TIAM2: variants seen among roughly 807,000 people sequenced by gnomAD.
The protein encoded by TIAM2 is TIAM Rac1 associated GEF 2, also known as rho guanine nucleotide exchange factor TIAM2.
In TIAM2, 80 loss-of-function variants were observed where a neutral mutation model predicts 152.9. That is an observed-to-expected ratio of 0.52 (90% confidence interval 0.44 to 0.63). The LOEUF (loss-of-function observed/expected upper bound fraction) is 0.63. TIAM2 is among the 30% of genes least tolerant of loss of function. TIAM2 has a pLI of 0.00. For synonymous variants in TIAM2, 804 were observed against 838.0 expected, an observed-to-expected ratio of 0.96 and a Z score of 0.70; for missense variants, 1,965 against 2,120.1, an observed-to-expected ratio of 0.93 and a Z score of 1.44.
chr6:155,246,084 C>G (rs2115330924), intron 19 of TIAM2, among the ~76,000 whole-genome samples: 1 of 149,366 alleles, frequency 6.7e-6, no homozygotes, highest in African/African-American at 2.5e-5. Context: ...TTTTTTTTTC[C>G]TTGTTAATCT....
At chr6:155,127,251 C>T (rs1412346027) in intron 2 of TIAM2, among the ~76,000 whole-genome samples, 2 of 152,144 alleles carry the variant, frequency 1.3e-5, no homozygotes, top group Non-Finnish European at 2.9e-5. Context: ...GAAACAAAGG[C>T]ATGCATTTGA....
In TIAM2 at chr6:155,070,209, C is replaced by CTTTTTTTTTTTTTT. The variant is rs559307371; in HGVS notation, c.-208-20064_-208-20051dup. On this transcript the variant is annotated intron_variant, in intron 1 of 26. Transcript: ENST00000682666. The stretch of plus-strand genomic sequence containing the variant: ...GTATGAGCCACCGCGCCTGGCCAGA[C>CTTTTTTTTTTTTTT]TTTTTTTTTTTTTTTTTTTTTTTTT... Among the ~76,000 whole-genome samples the CTTTTTTTTTTTTTT allele has an allele frequency of 6.8e-5, 3 of 44,146 alleles. 1 individual carries two copies. Among genetic ancestry groups the CTTTTTTTTTTTTTT allele is most frequent in the African/African-American group, 2.4e-4 (2 of 8,322 alleles). 29.0% of individuals were successfully genotyped at this position (44,146 alleles called of 152,430 possible). A position where few individuals can be genotyped will look rare whatever the true frequency, so the allele number is the denominator to read the frequency against.
intron 7 of TIAM2, among the ~76,000 whole-genome samples, chr6:155,157,551 C>T (rs566947691): frequency 1.3e-5 from 2 of 151,978 alleles, no homozygotes; most frequent in Non-Finnish European, 2.9e-5. Context: ...AAGCGATCCT[C>T]CTGTCTCGGC....
At chr6:155,091,821 C>T (rs1173700928) in intron 2 of TIAM2, among the ~76,000 whole-genome samples, 1 of 152,196 alleles carries the variant, frequency 6.6e-6, no homozygotes, top group Non-Finnish European at 1.5e-5. Flanking sequence ...CTAAGGTCTA[C>T]AGTTATTTAG....
At chr6:155,229,833 G>A (rs184042992) in intron 15 of TIAM2, among the ~76,000 whole-genome samples, 2 of 152,302 alleles carry the variant, frequency 1.3e-5, no homozygotes, top group Non-Finnish European at 2.9e-5. Context: ...GGTGAAGGAG[G>A]AGCAAAGTCA....
intron 15 of TIAM2, 129 bp downstream of exon 15, chr6:155,211,436 A>G (rs936689619): frequency 4.7e-6 from 3 of 639,742 alleles, no homozygotes; most frequent in African/African-American, 3.7e-5. Context: ...AAACATACAT[A>G]TATATGTTAA....
At chr6:155,033,650 T>C (rs1776863881) in intron 1 of TIAM2, among the ~76,000 whole-genome samples, 1 of 152,090 alleles carries the variant, frequency 6.6e-6, no homozygotes, top group South Asian at 2.1e-4. Flanking sequence ...GCCCTGCCTG[T>C]TTCCTAGAAG....
chr6:155,153,267 C>T (rs1258348752), intron 7 of TIAM2, among the ~76,000 whole-genome samples: 1 of 152,054 alleles, frequency 6.6e-6, no homozygotes, highest in Non-Finnish European at 1.5e-5. Context: ...CTCCCTTTCT[C>T]ATGTTAGTCT....
At chr6:155,014,034 T>C (rs1187271272) in intron 1 of TIAM2, 1 of 152,078 alleles carries the variant, frequency 6.6e-6, no homozygotes, top group African/African-American at 2.4e-5. Flanking sequence ...GTATTTTTAG[T>C]AGAGATCTTC....
intron 1 of TIAM2, among the ~76,000 whole-genome samples, chr6:155,049,478 C>T (rs1342084719): frequency 1.3e-5 from 2 of 152,136 alleles, no homozygotes; most frequent in Admixed American, 1.3e-4. Context: ...CAAGCTTGCT[C>T]ATTAGCAATG....
intron 1 of TIAM2, among the ~76,000 whole-genome samples, chr6:155,079,186 C>T (rs973572596): frequency 1.3e-5 from 2 of 151,974 alleles, no homozygotes; most frequent in Non-Finnish European, 2.9e-5. Context: ...GTCAGCCTCC[C>T]GAGTAGCAGG....
chr6:155,126,629 G>C (rs1023753651), intron 2 of TIAM2, among the ~76,000 whole-genome samples: 3 of 152,134 alleles, frequency 2.0e-5, no homozygotes, highest in African/African-American at 7.2e-5. Flanking sequence ...TACTCAGGAG[G>C]CTGAGGTAGG....
intron 14 of TIAM2, among the ~76,000 whole-genome samples, chr6:155,185,482 T>C (rs1391847321): frequency 6.7e-6 from 1 of 149,398 alleles, no homozygotes; most frequent in East Asian, 2.0e-4. Context: ...GCAGGTGAGT[T>C]AAGCCACTTT....
At position 155,245,637 on chromosome 6, in the gene TIAM2, C is replaced by T. The variant is rs1173272368; in HGVS notation, c.3558C>T (p.Ser1186=). ...TPSQFRKLLF[S]LGGSFLYYAD... is the part of the protein sequence containing the mutation. Reference sequence around the variant, plus strand: ...TGCCCTTCTAGAAATTACTGTTTTCCCTTGGAGGCTCTTTCCTTTATTACG... The same window carrying T: ...TGCCCTTCTAGAAATTACTGTTTTCTCTTGGAGGCTCTTTCCTTTATTACG... The change falls in exon 19 of 27, where the codon TCC becomes TCT. Residue 1186 remains serine (S), a synonymous_variant. Transcript: ENST00000682666. 1.2e-5 allele frequency: 20 copies of T among 1,613,760 alleles called. No homozygotes were observed. Among genetic ancestry groups the T allele is most frequent in the Admixed American group, 1.7e-5 (1 of 59,992 alleles).
chr6:155,093,037 C>T (rs1778338408), intron 2 of TIAM2, among the ~76,000 whole-genome samples: 1 of 152,100 alleles, frequency 6.6e-6, no homozygotes, highest in South Asian at 2.1e-4. Flanking sequence ...GTAACAGTGA[C>T]AATAAAACTG....
At chr6:155,194,726 C>T (rs541370381) in intron 14 of TIAM2, among the ~76,000 whole-genome samples, 4 of 152,142 alleles carry the variant, frequency 2.6e-5, no homozygotes, top group African/African-American at 9.7e-5. Context: ...AAGAAGAAAA[C>T]CCCAGGTCTT....
intron 1 of TIAM2, among the ~76,000 whole-genome samples, chr6:155,061,750 A>T (rs975303907): frequency 6.6e-6 from 1 of 152,206 alleles, no homozygotes; most frequent in Admixed American, 6.5e-5. Context: ...TTTCCAGCGA[A>T]GTTACTTGCC....
chr6:155,141,324 C>T (rs1329351086), intron 5 of TIAM2, among the ~76,000 whole-genome samples: 2 of 152,082 alleles, frequency 1.3e-5, no homozygotes, highest in Non-Finnish European at 2.9e-5. Context: ...AATTTCTTGG[C>T]TTAGAATCCA....
intron 15 of TIAM2, among the ~76,000 whole-genome samples, chr6:155,223,405 T>C (rs1372830873): frequency 6.6e-6 from 1 of 152,150 alleles, no homozygotes; most frequent in Non-Finnish European, 1.5e-5. Flanking sequence ...TTTTTTAATG[T>C]GCTAAGAGAT....
Sources: gnomAD v4.1 joint callset for allele counts (sites outside exome capture counted in the v4.1 genomes callset) on GRCh38, gnomAD v4.1.1 for gene constraint, MANE v1.5 for transcripts, NCBI Gene and HGNC (gene_info 2026-07-23, HGNC 2026-07-21) for gene names.